Variants in OPN5 observed in about 807,000 individuals in gnomAD.
OPN5 encodes opsin-5.
A neutral mutation model predicts 41.7 loss-of-function variants in OPN5; 18 were observed. The ratio of observed to expected loss-of-function variants is 0.43; its 90% CI spans 0.30 to 0.64. OPN5 has a LOEUF of 0.64. Among genes scored for constraint, OPN5 ranks in the 30% least tolerant of loss-of-function variants. OPN5 has a pLI of 0.13. For missense variants in OPN5, 318 were observed against 434.5 expected (o/e 0.73, Z 2.38); for synonymous variants, 178 against 164.3 (o/e 1.08, Z -0.64).
At chr6:47,800,416 A>G (rs1170291642) in intron 4 of OPN5, among the ~76,000 whole-genome samples, 2 of 152,206 alleles carry the variant, frequency 1.3e-5, no homozygotes, top group African/African-American at 2.4e-5. Context: ...AGGTGGGGCC[A>G]CAGGAGCCTT....
intron 6 of OPN5, among the ~76,000 whole-genome samples, chr6:47,818,066 G>A (rs1448732087): frequency 1.3e-5 from 2 of 152,094 alleles, no homozygotes; most frequent in Admixed American, 6.6e-5. Context: ...AGAAAGAAGG[G>A]TATTTTCCTT....
At chr6:47,788,963 G>T (rs1471378719) in intron 2 of OPN5, among the ~76,000 whole-genome samples, 4 of 151,816 alleles carry the variant, frequency 2.6e-5, no homozygotes, top group Non-Finnish European at 4.4e-5. Context: ...AAGTGCAGCC[G>T]GGTTCTGGAA....
chr6:47,823,639 G>A (rs1440429176), intron 6 of OPN5: 9 of 399,042 alleles, frequency 2.3e-5, no homozygotes, highest in Non-Finnish European at 3.6e-5. Flanking sequence ...GATCCTGCAA[G>A]GCCTTACAGG....
At chr6:47,813,875 G>C (rs926489434) in intron 6 of OPN5, among the ~76,000 whole-genome samples, 3 of 152,038 alleles carry the variant, frequency 2.0e-5, no homozygotes, top group African/African-American at 7.2e-5. Flanking sequence ...TGTAGATAAC[G>C]GTGTCTACCG....
At chr6:47,825,176 G>GT (rs1762755903), downstream of OPN5, 1 of 152,192 alleles carries the variant, frequency 6.6e-6, no homozygotes, top group African/African-American at 2.4e-5. Flanking sequence ...AGGTAGGTTA[G>GT]TTATCTGTGA....
exon 4 of OPN5, chr6:47,795,490 C>T (rs1290614020): frequency 6.2e-7 from 1 of 1,614,034 alleles, no homozygotes. Flanking sequence ...AAGGTTAAGT[C>T]CTCTTCCAAA....
intron 3 of OPN5, chr6:47,793,581 A>G (rs1406854071): frequency 6.6e-6 from 1 of 152,668 alleles, no homozygotes; most frequent in Non-Finnish European, 1.5e-5. Context: ...CGGGGAGCTT[A>G]CTACTGCACA....
At chr6:47,805,613 A>G (rs1773930410) in intron 4 of OPN5, among the ~76,000 whole-genome samples, 3 of 152,168 alleles carry the variant, frequency 2.0e-5, no homozygotes, top group African/African-American at 7.2e-5. Context: ...CAGGTCAAGT[A>G]GACCGAAGGC....
chr6:47,822,885 T>G (rs1421550506), intron 6 of OPN5, among the ~76,000 whole-genome samples: 1 of 152,192 alleles, frequency 6.6e-6, no homozygotes, highest in Non-Finnish European at 1.5e-5. Context: ...TCTTCACAAC[T>G]CCACAAGCTA....
chr6:47,802,015 G>T (rs1773795241), intron 4 of OPN5, among the ~76,000 whole-genome samples: 2 of 152,112 alleles, frequency 1.3e-5, no homozygotes, highest in Admixed American at 6.6e-5. Context: ...TTTTTATTTT[G>T]CCTGCCATAG....
chr6:47,820,959 T>G (rs1043771113), intron 6 of OPN5, among the ~76,000 whole-genome samples: 46 of 152,232 alleles, frequency 3.0e-4, no homozygotes, highest in Non-Finnish European at 1.9e-4. Flanking sequence ...ATATACTGTA[T>G]TCTTATAATA....
At chr6:47,792,793 G>A (rs1773421773) in intron 3 of OPN5, among the ~76,000 whole-genome samples, 1 of 152,220 alleles carries the variant, frequency 6.6e-6, no homozygotes, top group South Asian at 2.1e-4. Context: ...TGTGATGGAC[G>A]ACAGACTGTG....
At chr6:47,809,839 A>G (rs1774122150) in intron 5 of OPN5, among the ~76,000 whole-genome samples, 1 of 152,132 alleles carries the variant, frequency 6.6e-6, no homozygotes, top group East Asian at 1.9e-4. Flanking sequence ...ATGCAGATAG[A>G]GAGAATAATT....
At chr6:47,804,290 G>A (rs894157384) in intron 4 of OPN5, among the ~76,000 whole-genome samples, 3 of 152,028 alleles carry the variant, frequency 2.0e-5, no homozygotes, top group South Asian at 4.1e-4. Context: ...ACCTAAAAAG[G>A]CAGTGATAAA....
intron 2 of OPN5, 120 bp from the exon 3 acceptor site, chr6:47,791,682 G>T (rs1320603741): frequency 2.8e-6 from 2 of 719,818 alleles, no homozygotes; most frequent in East Asian, 5.1e-5. Flanking sequence ...TGTAATCAAG[G>T]GTGTGTGTGT....
At chr6:47,811,568 C>G in intron 5 of OPN5, 106 bp from the exon 6 acceptor site, 1 of 532,856 alleles carries the variant, frequency 1.9e-6, no homozygotes, top group East Asian at 3.3e-5. Context: ...TGCACATAAT[C>G]CTCATAGTAG....
intron 4 of OPN5, among the ~76,000 whole-genome samples, chr6:47,803,852 G>A (rs182311353): frequency 1.3e-5 from 2 of 152,214 alleles, no homozygotes; most frequent in East Asian, 3.9e-4. Context: ...ACCATGACTG[G>A]TATCATGGAG....
chr6:47,801,711 A>C (rs1773781232), intron 4 of OPN5, among the ~76,000 whole-genome samples: 1 of 152,204 alleles, frequency 6.6e-6, no homozygotes, highest in African/African-American at 2.4e-5. Flanking sequence ...CACAATTTTT[A>C]ATTAATTTAC....
chr6:47,805,519 CTT>C (rs1355522694), intron 4 of OPN5, among the ~76,000 whole-genome samples: 15 of 151,926 alleles, frequency 9.9e-5, no homozygotes, highest in Admixed American at 5.2e-4. Flanking sequence ...TTAGGTTAGA[CTT>C]TAGATTTTCC....
Sources: gnomAD v4.1 joint callset for allele counts (sites outside exome capture counted in the v4.1 genomes callset) on GRCh38, gnomAD v4.1.1 for gene constraint, MANE v1.5 for transcripts, NCBI Gene and HGNC (gene_info 2026-07-23, HGNC 2026-07-21) for gene names.